The following HSD17B12 variants were observed in gnomAD, a reference collection of about 807,000 sequenced individuals.
The protein encoded by HSD17B12 is very-long-chain 3-oxoacyl-CoA reductase.
In HSD17B12, 32 loss-of-function variants were observed where a neutral mutation model predicts 39.3. The ratio of observed to expected loss-of-function variants is 0.81; its 90% CI spans 0.61 to 1.09. The LOEUF is 1.09. Among genes scored for constraint, HSD17B12 ranks in the 50% least tolerant of loss-of-function variants. The pLI, the probability that HSD17B12 is intolerant of heterozygous loss-of-function variation, is 0.00. For synonymous variants in HSD17B12, 150 were observed against 146.7 expected (o/e 1.02, Z -0.16); for missense variants, 342 against 382.9 (o/e 0.89, Z 0.89).
chr11:43,813,106 G>T (rs914413405), intron 4 of HSD17B12, among the ~76,000 whole-genome samples: 3 of 152,156 alleles, frequency 2.0e-5, no homozygotes, highest in Non-Finnish European at 4.4e-5. Context: ...CTCCCAAAGT[G>T]CTGGGATTAC....
At chr11:43,587,780 G>C in the HSD17B12 span, among the ~76,000 whole-genome samples, 1 of 152,190 alleles carries the variant, frequency 6.6e-6, no homozygotes, top group Non-Finnish European at 1.5e-5. Flanking sequence ...TTGTGTTGGA[G>C]CTGGACAGTA....
intron 3 of HSD17B12, among the ~76,000 whole-genome samples, chr11:43,786,144 G>T (rs780033305): frequency 3.3e-5 from 5 of 152,062 alleles, no homozygotes; most frequent in Admixed American, 6.6e-5. Context: ...TCTGTCAGTT[G>T]TTCTTTCATA....
intron 4 of HSD17B12, chr11:43,806,182 G>A (rs1168010784): frequency 6.6e-6 from 1 of 152,172 alleles, no homozygotes; most frequent in African/African-American, 2.4e-5. Context: ...AAGTAGGCAT[G>A]ATTGATGGAA....
At chr11:43,771,391 C>CTTTTGGA (rs1554966368) in intron 3 of HSD17B12, among the ~76,000 whole-genome samples, 1 of 145,984 alleles carries the variant, frequency 6.9e-6, no homozygotes, top group East Asian at 2.0e-4. Flanking sequence ...CTGTACATGT[C>CTTTTGGA]TTTTGGAGCA....
intron 3 of HSD17B12, among the ~76,000 whole-genome samples, chr11:43,787,705 C>T: frequency 6.6e-6 from 1 of 150,662 alleles, no homozygotes; most frequent in Middle Eastern, 3.2e-3. Flanking sequence ...CCACTGCACT[C>T]CAGTCTGGGT....
At chr11:43,601,243 C>A in the HSD17B12 span, among the ~76,000 whole-genome samples, 1 of 151,986 alleles carries the variant, frequency 6.6e-6, no homozygotes. Flanking sequence ...GCTAAAGGCA[C>A]ATGTGAAAAT....
At chr11:43,679,104 A>T (rs1383952278), upstream of HSD17B12, among the ~76,000 whole-genome samples, 1 of 152,026 alleles carries the variant, frequency 6.6e-6, no homozygotes, top group Non-Finnish European at 1.5e-5. Context: ...GTCCTCTTTT[A>T]TTTCGTTGAG....
intron 6 of HSD17B12, among the ~76,000 whole-genome samples, chr11:43,828,972 T>G (rs992368484): frequency 6.6e-6 from 1 of 152,210 alleles, no homozygotes; most frequent in African/African-American, 2.4e-5. Context: ...ATAATCTGAT[T>G]AGAAGGAAAG....
chr11:43,653,018 T>C, the HSD17B12 span, among the ~76,000 whole-genome samples: 1 of 152,100 alleles, frequency 6.6e-6, no homozygotes. Context: ...AGTACCCTTC[T>C]GAAATGAGGG....
At chr11:43,789,710 A>G (rs1950848995) in intron 3 of HSD17B12, among the ~76,000 whole-genome samples, 2 of 152,156 alleles carry the variant, frequency 1.3e-5, no homozygotes, top group Non-Finnish European at 2.9e-5. Context: ...GCACTTTGGG[A>G]GCTCATAGCA....
chr11:43,741,000 G>A lies in HSD17B12; in HGVS notation c.161-9911G>A, dbSNP rs182282181. ...TTATCATTTCAGTGTTGCTGTGAAT[G>A]CTTCGTTTTTTTCATTTTAAGAAAC... On this transcript the variant is annotated intron_variant, in intron 1 of 10. Transcript: ENST00000278353. Among the ~76,000 whole-genome samples, 5 of 152,254 alleles carry A rather than the reference G, an allele frequency of 3.3e-5. No individual in the cohort carries two copies. In the East Asian group the frequency reaches 9.6e-4, roughly 29 times the overall value.
intron 9 of HSD17B12, among the ~76,000 whole-genome samples, chr11:43,845,231 G>T (rs896752105): frequency 6.6e-6 from 1 of 152,162 alleles, no homozygotes. Flanking sequence ...TAATTCTCCC[G>T]CATTGGCTTC....
chr11:43,626,590 A>G, the HSD17B12 span, among the ~76,000 whole-genome samples: 1 of 151,906 alleles, frequency 6.6e-6, no homozygotes, highest in African/African-American at 2.4e-5. Flanking sequence ...CAATGGTTTC[A>G]GGAAAAGGAG....
At chr11:43,583,509 A>C in the HSD17B12 span, among the ~76,000 whole-genome samples, 1 of 152,142 alleles carries the variant, frequency 6.6e-6, no homozygotes, top group Non-Finnish European at 1.5e-5. Flanking sequence ...GGTGGGATCA[A>C]AGGAAGAGAC....
chr11:43,584,033 T>C, the HSD17B12 span, among the ~76,000 whole-genome samples: 1 of 152,148 alleles, frequency 6.6e-6, no homozygotes, highest in Non-Finnish European at 1.5e-5. Flanking sequence ...CTGCCCCCAG[T>C]GGGGAGAGGC....
the HSD17B12 span, among the ~76,000 whole-genome samples, chr11:43,596,814 T>A: frequency 6.6e-6 from 1 of 152,256 alleles, no homozygotes; most frequent in African/African-American, 2.4e-5. Flanking sequence ...CTGGGCTGAT[T>A]AGTCTGACTC....
chr11:43,684,211 TAGTA>T lies in HSD17B12; in HGVS notation c.160+3231_160+3234del, dbSNP rs201074949. On this transcript the variant is annotated intron_variant, in intron 1 of 10. Coordinates refer to ENST00000278353, the MANE Select transcript of HSD17B12 (RefSeq NM_016142.3). Reference sequence around the variant, plus strand: ...CCCTAGAAGGTGGGTTTAGCCAATTTAGTAAGTAAGACTTCTTTGTCATTGTTAC... The same window carrying T: ...CCCTAGAAGGTGGGTTTAGCCAATTTAGTAAGACTTCTTTGTCATTGTTAC... Among the ~76,000 whole-genome samples the T allele has an allele frequency of 6.1e-4, 93 of 152,342 alleles. No homozygotes were observed. In the East Asian group the frequency reaches 0.014, roughly 24 times the overall value.
chr11:43,783,827 TA>T lies in HSD17B12; in HGVS notation c.284-14487del, dbSNP rs993935498. Among the ~76,000 whole-genome samples the T allele has an allele frequency of 9.9e-5, 15 of 152,222 alleles. No individual in the cohort carries two copies. In the East Asian group the frequency reaches 2.9e-3, roughly 29 times the overall value. ...CATTATAAATTGAAACTGAGAAACT[TA>T]AAAAATAATTATTTAACTCACTTAA... is the stretch of plus-strand genomic sequence containing the variant. On this transcript the variant is annotated intron_variant, in intron 3 of 10. Transcript: ENST00000278353.
At chr11:43,667,797 A>G in the HSD17B12 span, among the ~76,000 whole-genome samples, 3 of 152,224 alleles carry the variant, frequency 2.0e-5, no homozygotes, top group Non-Finnish European at 4.4e-5. Flanking sequence ...TTGGTGCTCT[A>G]AAGTTTTGGA....
Sources: allele counts gnomAD v4.1 joint callset (sites outside exome capture counted in the v4.1 genomes callset), GRCh38; gene constraint gnomAD v4.1.1; transcripts MANE v1.5; gene names NCBI Gene and HGNC (gene_info 2026-07-23, HGNC 2026-07-21).